Variants in FAM161B observed in about 807,000 individuals in gnomAD.
FAM161B encodes protein FAM161B.
A neutral mutation model predicts 61.5 loss-of-function variants in FAM161B; 46 were observed. The ratio of observed to expected loss-of-function variants is 0.75; its 90% CI spans 0.59 to 0.96. The LOEUF (loss-of-function observed/expected upper bound fraction) is 0.96, where lower values mean the gene tolerates loss of function less well. FAM161B is among the 40% of genes least tolerant of loss of function. The pLI is 0.00. For missense variants in FAM161B, 774 were observed against 800.7 expected (o/e 0.97, Z 0.40); for synonymous variants, 284 against 302.7 (o/e 0.94, Z 0.64).
intron 3 of FAM161B, 80 bp downstream of exon 3, chr14:73,944,255 T>C: frequency 6.6e-7 from 1 of 1,515,270 alleles, no homozygotes; most frequent in Non-Finnish European, 8.8e-7. Flanking sequence ...GCCAGGCAGA[T>C]CCCTGGGCCC....
the FAM161B span, chr14:73,923,507 A>G: frequency 1.9e-6 from 3 of 1,613,098 alleles, no homozygotes; most frequent in Non-Finnish European, 2.5e-6. Context: ...TCTTAACTGC[A>G]GTAAATCCAC....
chr14:73,942,291 T>C (rs1476085936), intron 4 of FAM161B, 78 bp downstream of exon 4: 2 of 1,415,606 alleles, frequency 1.4e-6, no homozygotes, highest in Non-Finnish European at 1.9e-6. Context: ...TGTTGAGAAG[T>C]GCTTTCCAGG....
In FAM161B at chr14:73,944,887, T is replaced by C. The variant is rs1378526278; in HGVS notation, c.375-2A>G. ...CTGCAGCGCCTTGTGGAGCCACACCTGGGAAAAAAGCAGATCTGTGAGTGG... is the reference window on the plus strand; with the variant it reads ...CTGCAGCGCCTTGTGGAGCCACACCCGGGAAAAAAGCAGATCTGTGAGTGG... On this transcript the variant is annotated splice_acceptor_variant, in intron 2 of 8. Coordinates refer to ENST00000286544, the MANE Select transcript of FAM161B (RefSeq NM_152445.3). LOFTEE classifies it high-confidence loss of function. 1.3e-6 allele frequency: 2 copies of C among 1,507,472 alleles called. No individual in the cohort carries two copies. The highest frequency in any genetic ancestry group is 2.3e-5 in the Admixed American group (1 of 44,376). The allele number at this position is 1,507,472 out of a possible 1,614,324, so 93.4% of individuals were successfully genotyped here.
intron 7 of FAM161B, among the ~76,000 whole-genome samples, chr14:73,937,345 T>C (rs1225886415): frequency 2.0e-5 from 3 of 152,226 alleles, no homozygotes; most frequent in Non-Finnish European, 4.4e-5. Flanking sequence ...TGATGAAATC[T>C]GAATGGTAGA....
At chr14:73,929,324 T>G (rs1158379366), downstream of FAM161B, among the ~76,000 whole-genome samples, 1 of 152,110 alleles carries the variant, frequency 6.6e-6, no homozygotes, top group African/African-American at 2.4e-5. Flanking sequence ...ATCCAAGGTC[T>G]AGGTAATAAC....
chr14:73,946,351 G>C lies in FAM161B; in HGVS notation c.309C>G (p.Asp103Glu), dbSNP rs535788507. The C allele has an allele frequency of 6.2e-7, 1 of 1,614,118 alleles. No homozygotes were observed. The highest frequency in any genetic ancestry group is 1.1e-5 in the South Asian group (1 of 91,088). The part of the protein sequence containing the change: ...SDENLSEDEE[D>E]LESFFQDKDR... ...CCTTGTCTTGGAAGAAACTCTCCAGGTCCTCCTCATCTTCAGAGAGGTTTT... is the reference window on the plus strand; with the variant it reads ...CCTTGTCTTGGAAGAAACTCTCCAGCTCCTCCTCATCTTCAGAGAGGTTTT... The change falls in exon 2 of 9, where the codon GAC (aspartate) becomes GAG (glutamate). Residue 103 changes from aspartate (D) to glutamate (E), a missense_variant. Coordinates refer to ENST00000286544, the MANE Select transcript of FAM161B (RefSeq NM_152445.3).
intron 7 of FAM161B, among the ~76,000 whole-genome samples, chr14:73,936,996 C>T (rs772336702): frequency 6.6e-6 from 1 of 152,158 alleles, no homozygotes; most frequent in Non-Finnish European, 1.5e-5. Context: ...TAAAATGATA[C>T]TCTTCCAGGA....
At chr14:73,943,204 T>A (rs966176925) in intron 3 of FAM161B, among the ~76,000 whole-genome samples, 6 of 152,086 alleles carry the variant, frequency 3.9e-5, no homozygotes, top group Admixed American at 2.0e-4. Flanking sequence ...ACAAGTTCTG[T>A]CATTTCCTCC....
chr14:73,926,976 A>C (rs2055842509), downstream of FAM161B: 1 of 152,638 alleles, frequency 6.6e-6, no homozygotes, highest in Admixed American at 6.5e-5. Context: ...ATTGACTGGT[A>C]GGTTATGTAA....
Position 73,937,950 on chromosome 14 carries a change from G to A in FAM161B, c.1563C>T (p.Asn521=). The A allele has an allele frequency of 6.2e-7, 1 of 1,614,202 alleles. No individual in the cohort carries two copies. The highest frequency in any genetic ancestry group is 8.5e-7 in the Non-Finnish European group (1 of 1,180,036). The stretch of plus-strand genomic sequence containing the variant: ...TTTGACACATAGAGGACACTGACCG[G>A]TTCTCTTTCAGCTTTGCTTTGAACA... The part of the protein sequence containing the change: ...EEVFKAKLKE[N]RNNDRKRAKE... Residue 521 remains asparagine (N), a splice_region_variant and synonymous_variant, in exon 6 of 9, where the codon AAC becomes AAT. Coordinates refer to ENST00000286544, the MANE Select transcript of FAM161B (RefSeq NM_152445.3).
chr14:73,948,329 T>C (rs35897291), intron 1 of FAM161B, among the ~76,000 whole-genome samples: 20,160 of 152,278 alleles, frequency 0.13, 1,479 homozygotes, highest in Admixed American at 0.2. Flanking sequence ...TGCACCTATG[T>C]TATGGCCCTG....
chr14:73,927,850 A>ATTTT (rs769693607), downstream of FAM161B: 9,710 of 134,656 alleles, frequency 0.072, 662 homozygotes, highest in East Asian at 0.42. Context: ...TTTTTTTTTA[A>ATTTT]TTTTTTAGAC....
chr14:73,942,597 G>A lies in FAM161B; in HGVS notation c.1044C>T (p.Thr348=), dbSNP rs2056029121. 5 of 1,614,206 alleles carry A rather than the reference G, an allele frequency of 3.1e-6. No individual in the cohort carries two copies. Among genetic ancestry groups the A allele is most frequent in the Non-Finnish European group, 3.4e-6 (4 of 1,180,016 alleles). ...NRANPQPRTA[T]RTQQEKLGFL... ...ACCCAAGCTTTTCCTGCTGGGTTCG[G>A]GTGGCTGTGCGGGGCTGTGGGTTAG... Residue 348 remains threonine, a synonymous_variant, in exon 4 of 9, where the codon ACC becomes ACT. Transcript: ENST00000286544.
At chr14:73,937,754 C>A in intron 6 of FAM161B, 53 bp from the exon 7 acceptor site, 3 of 1,587,480 alleles carry the variant, frequency 1.9e-6, no homozygotes, top group Non-Finnish European at 2.6e-6. Flanking sequence ...ATCCAGAATA[C>A]CCTTCATTTC....
Position 73,944,407 on chromosome 14 carries a change from T to G in FAM161B, c.853A>C (p.Ile285Leu). ...CTTCTGGTGGCCTTCTGCTTGGAGATCTTGGCTTCAGCTGTGGCTGCCAAG... is the reference window on the plus strand; with the variant it reads ...CTTCTGGTGGCCTTCTGCTTGGAGAGCTTGGCTTCAGCTGTGGCTGCCAAG... The part of the protein sequence containing the change: ...RDLAATAEAK[I>L]SKQKATRRIP... Residue 285 changes from isoleucine to leucine, a missense_variant, in exon 3 of 9, where the codon ATC becomes CTC. Coordinates refer to ENST00000286544, the MANE Select transcript of FAM161B (RefSeq NM_152445.3). The G allele has an allele frequency of 6.2e-7, 1 of 1,611,124 alleles. No individual in the cohort carries two copies. The highest frequency in any genetic ancestry group is 8.5e-7 in the Non-Finnish European group (1 of 1,177,596).
At chr14:73,938,635 G>A (rs949740763) in intron 5 of FAM161B, among the ~76,000 whole-genome samples, 4 of 151,706 alleles carry the variant, frequency 2.6e-5, no homozygotes, top group Non-Finnish European at 5.9e-5. Flanking sequence ...AGCCGGGTGC[G>A]GTGGTGGGCG....
Position 73,944,328 on chromosome 14 carries a change from T to G in FAM161B, c.925+7A>C. ...AGGAGGCAGCAAGGTGGCAAGGATG[T>G]CTTTACCCTGGAGTTTATCCCCAAG... On this transcript the variant is annotated splice_region_variant and intron_variant, in intron 3 of 8. Coordinates refer to ENST00000286544, the MANE Select transcript of FAM161B (RefSeq NM_152445.3). 1 of 1,566,752 alleles carries G rather than the reference T, an allele frequency of 6.4e-7. No individual in the cohort carries two copies. Among genetic ancestry groups the G allele is most frequent in the East Asian group, 2.3e-5 (1 of 44,140 alleles).
At chr14:73,929,353 G>A (rs943144453), downstream of FAM161B, among the ~76,000 whole-genome samples, 3 of 152,030 alleles carry the variant, frequency 2.0e-5, no homozygotes, top group African/African-American at 7.3e-5. Context: ...TCTCCAGTGA[G>A]TGAGGAATGT....
At position 73,946,398 on chromosome 14, in the gene FAM161B, G is replaced by T. The variant is rs773419000; in HGVS notation, c.262C>A (p.Gln88Lys). The T allele has an allele frequency of 6.2e-7, 1 of 1,614,128 alleles. No homozygotes were observed. Among genetic ancestry groups the T allele is most frequent in the Non-Finnish European group, 8.5e-7 (1 of 1,180,014 alleles). ...TTTTCATCACTCTCTGGGTCAGACT[G>T]AAAGAGAGACTCCAACAGACACCAT... ...GRWCLLESLF[Q>K]SDPESDENLS... Residue 88 changes from glutamine (Q) to lysine (K), a missense_variant, in exon 2 of 9, where the codon CAG becomes AAG. Coordinates refer to ENST00000286544, the MANE Select transcript of FAM161B (RefSeq NM_152445.3).
Sources: gnomAD v4.1 joint callset for allele counts (sites outside exome capture counted in the v4.1 genomes callset) on GRCh38, gnomAD v4.1.1 for gene constraint, MANE v1.5 for transcripts, NCBI Gene and HGNC (gene_info 2026-07-23, HGNC 2026-07-21) for gene names.